Variants in NUP58 observed in about 807,000 individuals in gnomAD.
The protein encoded by NUP58 is nucleoporin p58/p45.
In NUP58, 17 loss-of-function variants were observed where a neutral mutation model predicts 70.1. The ratio of observed to expected loss-of-function variants is 0.24; its 90% CI spans 0.17 to 0.36. The LOEUF (loss-of-function observed/expected upper bound fraction) is 0.36, where lower values mean the gene tolerates loss of function less well. NUP58 is among the 10% of genes least tolerant of loss of function. The pLI is 1.00. For missense variants in NUP58, 644 were observed against 701.5 expected (o/e 0.92, Z 0.93); for synonymous variants, 275 against 257.6 (o/e 1.07, Z -0.65).
chr13:25,343,215 T>C (rs1206794938), downstream of NUP58, among the ~76,000 whole-genome samples: 4 of 152,118 alleles, frequency 2.6e-5, no homozygotes, highest in African/African-American at 7.2e-5. Flanking sequence ...ATTGTATCAT[T>C]CTTAATGCCT....
At chr13:25,346,883 A>T (rs1173259272), downstream of NUP58, among the ~76,000 whole-genome samples, 1 of 152,196 alleles carries the variant, frequency 6.6e-6, no homozygotes, top group East Asian at 1.9e-4. Flanking sequence ...AAAATGTTAA[A>T]TTTGAACAAC....
intron 5 of NUP58, 47 bp downstream of exon 5, chr13:25,313,798 A>T: frequency 7.2e-7 from 1 of 1,383,152 alleles, no homozygotes; most frequent in Non-Finnish European, 9.6e-7. Context: ...TTTATATTTA[A>T]ATGTACTTAT....
chr13:25,324,715 AAATG>A (rs748405336), intron 9 of NUP58, among the ~76,000 whole-genome samples: 9 of 152,228 alleles, frequency 5.9e-5, no homozygotes, highest in Non-Finnish European at 1.3e-4. Context: ...TTTACGCTGT[AAATG>A]AATTCACTTC....
At chr13:25,317,520 C>G (rs926755011) in intron 6 of NUP58, among the ~76,000 whole-genome samples, 2 of 152,098 alleles carry the variant, frequency 1.3e-5, no homozygotes, top group Non-Finnish European at 2.9e-5. Flanking sequence ...ATGGTAGAAA[C>G]AGGCTCAAGT....
At chr13:25,333,504 C>G (rs1400351071) in intron 13 of NUP58, 2 of 985,202 alleles carry the variant, frequency 2.0e-6, no homozygotes, top group African/African-American at 3.5e-5. Flanking sequence ...ACCTAAACAA[C>G]CTTACAGTGT....
intron 13 of NUP58, chr13:25,333,773 A>G: frequency 7.1e-6 from 7 of 985,374 alleles, no homozygotes; most frequent in Non-Finnish European, 8.4e-6. Context: ...CTTCTGTGAA[A>G]TCTTTGTTTT....
chr13:25,320,864 G>A (rs2031150167), intron 8 of NUP58, 55 bp from the exon 9 acceptor site: 2 of 1,148,316 alleles, frequency 1.7e-6, no homozygotes, highest in Non-Finnish European at 2.4e-6. Context: ...TATATATTTT[G>A]TGTAGGAAAC....
intron 1 of NUP58, among the ~76,000 whole-genome samples, chr13:25,302,393 TAAAAA>T (rs201756215): frequency 6.6e-6 from 1 of 152,036 alleles, no homozygotes; most frequent in African/African-American, 2.4e-5. Flanking sequence ...CTGTTTTTGT[TAAAAA>T]AAACAAAAAC....
chr13:25,306,757 C>CAT (rs2137716489), intron 1 of NUP58, among the ~76,000 whole-genome samples: 1 of 152,322 alleles, frequency 6.6e-6, no homozygotes, highest in Non-Finnish European at 1.5e-5. Flanking sequence ...CCCACCTTTT[C>CAT]ATAGCAAATC....
chr13:25,343,890 C>CGTTA (rs111828367), downstream of NUP58, among the ~76,000 whole-genome samples: 3 of 149,188 alleles, frequency 2.0e-5, no homozygotes, highest in Non-Finnish European at 4.4e-5. Flanking sequence ...CAACTATTCT[C>CGTTA]TGGATGGTTA....
chr13:25,337,726 T>A (rs945604003), intron 14 of NUP58, among the ~76,000 whole-genome samples: 2 of 152,164 alleles, frequency 1.3e-5, no homozygotes, highest in Admixed American at 1.3e-4. Flanking sequence ...GGGAGACCTA[T>A]AAGCTATTAC....
chr13:25,334,135 G>A (rs538853266), intron 13 of NUP58: 296 of 985,274 alleles, frequency 3.0e-4, no homozygotes, highest in South Asian at 7.0e-4. Flanking sequence ...AATCCAGCAG[G>A]CTATTTGTGT....
chr13:25,330,285 C>A (rs2031557502), intron 12 of NUP58, among the ~76,000 whole-genome samples: 1 of 152,150 alleles, frequency 6.6e-6, no homozygotes, highest in Non-Finnish European at 1.5e-5. Context: ...TTTCTTACAT[C>A]ATATGTCTTG....
intron 1 of NUP58, among the ~76,000 whole-genome samples, 194 bp downstream of exon 1, chr13:25,302,074 T>C (rs1261233760): frequency 6.6e-6 from 1 of 152,140 alleles, no homozygotes; most frequent in Non-Finnish European, 1.5e-5. Context: ...CCTGGTGAAG[T>C]GGAGGGCGGG....
At chr13:25,343,224 CT>C (rs1210187927), downstream of NUP58, among the ~76,000 whole-genome samples, 2 of 151,848 alleles carry the variant, frequency 1.3e-5, no homozygotes, top group Non-Finnish European at 2.9e-5. Context: ...TTCTTAATGC[CT>C]TTGTATCCTC....
chr13:25,336,079 G>A, intron 13 of NUP58: 1 of 1,229,310 alleles, frequency 8.1e-7, no homozygotes. Flanking sequence ...GGAAAAGGAT[G>A]ACTAATCGTT....
chr13:25,345,505 T>C (rs1301634301), downstream of NUP58, among the ~76,000 whole-genome samples: 1 of 41,166 alleles, frequency 2.4e-5, no homozygotes, highest in Non-Finnish European at 1.9e-4. Flanking sequence ...GCAGTCCATC[T>C]TTGACCTTTT....
chr13:25,330,183 C>T (rs2031554184), intron 12 of NUP58, among the ~76,000 whole-genome samples: 1 of 152,122 alleles, frequency 6.6e-6, no homozygotes, highest in Non-Finnish European at 1.5e-5. Context: ...TCATTATTTT[C>T]CATTATCTGA....
chr13:25,310,517 GC>G (rs1419676766), intron 3 of NUP58, among the ~76,000 whole-genome samples: 1 of 103,118 alleles, frequency 9.7e-6, no homozygotes, highest in East Asian at 3.2e-4. Flanking sequence ...ACTGTGCCTG[GC>G]CTTTTTTTTT....
Sources: gnomAD v4.1 joint callset for allele counts (sites outside exome capture counted in the v4.1 genomes callset) on GRCh38, gnomAD v4.1.1 for gene constraint, MANE v1.5 for transcripts, NCBI Gene and HGNC (gene_info 2026-07-23, HGNC 2026-07-21) for gene names.